The following SLC2A9 variants were observed in gnomAD, a reference collection of about 807,000 sequenced individuals.
SLC2A9 encodes the protein solute carrier family 2 member 9, also known as solute carrier family 2, facilitated glucose transporter member 9.
A neutral mutation model predicts 50.6 loss-of-function variants in SLC2A9; 39 were observed. The observed-to-expected ratio is 0.77, with a 90% confidence interval of 0.60 to 1.01. SLC2A9 has a LOEUF of 1.01. Ranked by LOEUF, SLC2A9 falls within the 50% of genes least tolerant of loss-of-function variation. SLC2A9 has a pLI of 0.00. For synonymous variants in SLC2A9, 324 were observed against 276.9 expected, an observed-to-expected ratio of 1.17 and a Z score of -1.69; for missense variants, 686 against 677.6, an observed-to-expected ratio of 1.01 and a Z score of -0.14.
At chr4:9,941,156 T>C (rs574167244) in intron 6 of SLC2A9, among the ~76,000 whole-genome samples, 1 of 152,304 alleles carries the variant, frequency 6.6e-6, no homozygotes, top group South Asian at 2.1e-4. Flanking sequence ...TTTATAAAAC[T>C]AAAAGAATCA....
intron 6 of SLC2A9, among the ~76,000 whole-genome samples, chr4:9,933,897 T>C (rs1746590821): frequency 1.3e-5 from 2 of 152,188 alleles, no homozygotes; most frequent in African/African-American, 4.8e-5. Context: ...CAACTCCTTC[T>C]CAGATTGCCA....
intron 10 of SLC2A9, among the ~76,000 whole-genome samples, chr4:9,884,478 A>G (rs867665702): frequency 2.0e-5 from 3 of 152,078 alleles, no homozygotes; most frequent in African/African-American, 4.8e-5. Flanking sequence ...TTGGGCTTGA[A>G]GATACAAGAC....
chr4:9,890,986 C>G (rs1560251419), intron 8 of SLC2A9, among the ~76,000 whole-genome samples: 3 of 152,236 alleles, frequency 2.0e-5, no homozygotes, highest in African/African-American at 7.2e-5. Context: ...ACTCCTCCAA[C>G]AGGGAGTCTG....
At chr4:9,989,229 C>G (rs1217425736) in intron 3 of SLC2A9, among the ~76,000 whole-genome samples, 1 of 152,194 alleles carries the variant, frequency 6.6e-6, no homozygotes, top group Non-Finnish European at 1.5e-5. Flanking sequence ...GGTTAAATCT[C>G]TGTCTACTGG....
chr4:9,773,514 T>A (rs528302977), intron 1 of SLC2A9, among the ~76,000 whole-genome samples: 1 of 152,342 alleles, frequency 6.6e-6, no homozygotes, highest in South Asian at 2.1e-4. Context: ...TGAGTTCAAA[T>A]AGAAGAATAT....
At chr4:9,828,891 G>A (rs189564630) in intron 11 of SLC2A9, among the ~76,000 whole-genome samples, 12 of 152,228 alleles carry the variant, frequency 7.9e-5, no homozygotes, top group Admixed American at 2.0e-4. Context: ...CCCAGAGCCC[G>A]GAGAGTCTCT....
intron 3 of SLC2A9, among the ~76,000 whole-genome samples, chr4:9,801,607 G>A (rs965440952): frequency 2.0e-5 from 3 of 152,178 alleles, no homozygotes; most frequent in African/African-American, 7.2e-5. Flanking sequence ...CTCCTGAACT[G>A]CTGGGCTACG....
intron 8 of SLC2A9, among the ~76,000 whole-genome samples, chr4:9,907,953 T>C (rs1740985111): frequency 6.6e-6 from 1 of 152,214 alleles, no homozygotes; most frequent in African/African-American, 2.4e-5. Context: ...CACATTGCAG[T>C]GTTGCCTGCC....
chr4:9,973,989 T>C (rs920007963), intron 5 of SLC2A9, among the ~76,000 whole-genome samples: 2 of 152,186 alleles, frequency 1.3e-5, no homozygotes, highest in Non-Finnish European at 2.9e-5. Flanking sequence ...TCAAGTAGGC[T>C]TCCTTCCTGG....
chr4:9,975,175 C>A (rs1034572342), intron 5 of SLC2A9, among the ~76,000 whole-genome samples: 12 of 152,274 alleles, frequency 7.9e-5, no homozygotes, highest in African/African-American at 2.6e-4. Context: ...TAGGAAATAT[C>A]ATTCTGGACA....
At chr4:9,874,050 A>T (rs1733885606) in intron 10 of SLC2A9, among the ~76,000 whole-genome samples, 1 of 152,134 alleles carries the variant, frequency 6.6e-6, no homozygotes, top group Non-Finnish European at 1.5e-5. Context: ...GAGGCCCACG[A>T]TGATCTGGCC....
chr4:9,786,784 C>T, intron 3 of SLC2A9, among the ~76,000 whole-genome samples: 1 of 152,202 alleles, frequency 6.6e-6, no homozygotes, highest in Non-Finnish European at 1.5e-5. Context: ...AATGAGGGAA[C>T]TTTGCACCCT....
downstream of SLC2A9, among the ~76,000 whole-genome samples, chr4:9,775,454 T>C (rs1560267720): frequency 6.6e-6 from 1 of 152,154 alleles, no homozygotes; most frequent in Non-Finnish European, 1.5e-5. Context: ...GGCCCTCTGA[T>C]ATAATTTGGA....
intron 5 of SLC2A9, among the ~76,000 whole-genome samples, chr4:9,956,716 T>C (rs1220563805): frequency 1.3e-5 from 2 of 151,866 alleles, no homozygotes; most frequent in Non-Finnish European, 2.9e-5. Context: ...CTAAAATTTA[T>C]TCATTTGAAG....
At chr4:9,771,069 A>G (rs748409705), downstream of SLC2A9, 8 of 155,958 alleles carry the variant, frequency 5.1e-5, no homozygotes, top group African/African-American at 7.2e-5. Context: ...AGGAGCTCTG[A>G]GTCCTTTTAG....
At chr4:9,870,030 G>A (rs1015158927) in intron 10 of SLC2A9, among the ~76,000 whole-genome samples, 4 of 152,274 alleles carry the variant, frequency 2.6e-5, no homozygotes, top group African/African-American at 9.6e-5. Flanking sequence ...GGGAAGGCCT[G>A]TGAAGGTGGA....
At chr4:9,856,912 T>C (rs140141642) in intron 10 of SLC2A9, among the ~76,000 whole-genome samples, 191 of 152,182 alleles carry the variant, frequency 1.3e-3, no homozygotes, top group African/African-American at 4.3e-3. Context: ...GAGCTAAACA[T>C]TGAGCACACA....
At chr4:9,888,744 G>T (rs986761992) in intron 9 of SLC2A9, among the ~76,000 whole-genome samples, 16 of 152,078 alleles carry the variant, frequency 1.1e-4, no homozygotes, top group African/African-American at 3.6e-4. Context: ...TCGGCGGGGG[G>T]GTAAGCTGCA....
upstream of SLC2A9, chr4:10,025,923 T>C: frequency 6.2e-7 from 1 of 1,614,046 alleles, no homozygotes; most frequent in Non-Finnish European, 8.5e-7. Flanking sequence ...TTTCGCTGAA[T>C]CACTTTCTTC....
Sources: gnomAD v4.1 joint callset for allele counts (sites outside exome capture counted in the v4.1 genomes callset) on GRCh38, gnomAD v4.1.1 for gene constraint, MANE v1.5 for transcripts, NCBI Gene and HGNC (gene_info 2026-07-23, HGNC 2026-07-21) for gene names.